Variants in MDM2 observed in about 807,000 individuals in gnomAD.
The protein encoded by MDM2 is E3 ubiquitin-protein ligase Mdm2.
A neutral mutation model predicts 64.3 loss-of-function variants in MDM2; 11 were observed. That is an observed-to-expected ratio of 0.17 (90% confidence interval 0.11 to 0.28). The LOEUF (loss-of-function observed/expected upper bound fraction) is 0.28. MDM2 is among the 10% of genes least tolerant of loss of function. The pLI, the probability that MDM2 is intolerant of heterozygous loss-of-function variation, is 1.00. For missense variants in MDM2, 388 were observed against 577.1 expected, an observed-to-expected ratio of 0.67 and a Z score of 3.36; for synonymous variants, 194 against 192.9, an observed-to-expected ratio of 1.01 and a Z score of -0.05.
intron 8 of MDM2, among the ~76,000 whole-genome samples, chr12:68,830,375 TA>T (rs1882695335): frequency 1.3e-5 from 2 of 152,244 alleles, no homozygotes; most frequent in African/African-American, 2.4e-5. Flanking sequence ...AGAGTTACTG[TA>T]CCTAACGGAG....
At position 68,843,987 on chromosome 12, in the gene MDM2, C is replaced by CT. The variant is rs1354040363; in HGVS notation, c.*4139dup. On this transcript the variant is annotated 3_prime_UTR_variant, in exon 11 of 11. Coordinates refer to ENST00000258149, the MANE Select transcript of MDM2 (RefSeq NM_002392.6). ...TACTGAAGCTAGAACCAAGCAGAAT[C>CT]TGTTTTTTTCTGAGGAGTATCGGTA... is the stretch of plus-strand genomic sequence containing the variant. The CT allele has an allele frequency of 4.8e-6, 1 of 207,852 alleles. No homozygotes were observed. The highest frequency in any genetic ancestry group is 2.3e-5 in the African/African-American group (1 of 43,778). 12.9% of individuals were successfully genotyped at this position (207,852 alleles called of 1,614,324 possible).
rs1420309522 is a variant in MDM2, at chr12:68,842,797, T to A, written c.*2948T>A. 5.1e-6 allele frequency: 1 copy of A among 194,704 alleles called. No individual in the cohort carries two copies. The highest frequency in any genetic ancestry group is 1.1e-5 in the Non-Finnish European group (1 of 93,578). 12.1% of individuals were successfully genotyped at this position (194,704 alleles called of 1,614,324 possible). A position where few individuals can be genotyped will look rare whatever the true frequency, so the allele number is the denominator to read the frequency against. Reference sequence around the variant, plus strand: ...ATGAAAATAGCTCAAATAATATCTTTTATTTTGATTTTAATATTTCTTATT... The same window carrying A: ...ATGAAAATAGCTCAAATAATATCTTATATTTTGATTTTAATATTTCTTATT... On this transcript the variant is annotated 3_prime_UTR_variant, in exon 11 of 11. Coordinates refer to ENST00000258149, the MANE Select transcript of MDM2 (RefSeq NM_002392.6).
intron 8 of MDM2, among the ~76,000 whole-genome samples, chr12:68,833,614 T>C (rs951552102): frequency 4.0e-5 from 6 of 151,548 alleles, no homozygotes; most frequent in Non-Finnish European, 5.9e-5. Flanking sequence ...AGCCACATAG[T>C]TAATTATTTG....
intron 4 of MDM2, 54 bp from the exon 5 acceptor site, chr12:68,820,271 A>G (rs961967679): frequency 2.0e-5 from 28 of 1,368,712 alleles, no homozygotes; most frequent in Non-Finnish European, 2.7e-5. Flanking sequence ...CTTAATACAA[A>G]TTTTTATTCT....
intron 8 of MDM2, among the ~76,000 whole-genome samples, chr12:68,830,467 A>T (rs1465861082): frequency 6.6e-6 from 1 of 152,196 alleles, no homozygotes; most frequent in African/African-American, 2.4e-5. Flanking sequence ...TAGATATTTA[A>T]GTTTATACCA....
intron 9 of MDM2, 60 bp downstream of exon 9, chr12:68,836,044 T>C: frequency 1.5e-6 from 2 of 1,372,324 alleles, no homozygotes; most frequent in Non-Finnish European, 2.0e-6. Flanking sequence ...TCTATGTTCA[T>C]TGACTTTGAG....
At chr12:68,812,886 A>G (rs1402209979) in intron 2 of MDM2, among the ~76,000 whole-genome samples, 1 of 152,162 alleles carries the variant, frequency 6.6e-6, no homozygotes, top group African/African-American at 2.4e-5. Flanking sequence ...CTCTTTACAG[A>G]AAAAAATTGA....
intron 2 of MDM2, 49 bp downstream of exon 2, chr12:68,809,341 A>G: frequency 6.6e-7 from 1 of 1,522,472 alleles, no homozygotes; most frequent in Non-Finnish European, 9.1e-7. Flanking sequence ...TATTTTATGA[A>G]GTGATAAACT....
rs1051777391 is a variant in MDM2 at position 68,840,051 on chromosome 12, A to G, written c.*202A>G. 2.0e-5 allele frequency: 10 copies of G among 506,562 alleles called. No individual in the cohort carries two copies. Among genetic ancestry groups the G allele is most frequent in the African/African-American group, 2.0e-4 (10 of 50,696 alleles). The allele number at this position is 506,562 out of a possible 1,614,324, so 31.4% of individuals were successfully genotyped here. The stretch of plus-strand genomic sequence containing the variant: ...GACTTGAATATGTAGCTCATCCTTT[A>G]CACCAACTCCTAATTTTAAATAATT... On this transcript the variant is annotated 3_prime_UTR_variant, in exon 11 of 11. Coordinates refer to ENST00000258149, the MANE Select transcript of MDM2 (RefSeq NM_002392.6).
rs1044944101 is a variant in MDM2 at position 68,845,211 on chromosome 12, GAA to G, written c.*5366_*5367del. On this transcript the variant is annotated 3_prime_UTR_variant, in exon 11 of 11. Coordinates refer to ENST00000258149, the MANE Select transcript of MDM2 (RefSeq NM_002392.6). ...CATTTTGATTTGATACTTATAAAAA[GAA>G]AAAGTATTTCTTCAGCTTAAAAAAT... 4.0e-5 allele frequency: 8 copies of G among 198,380 alleles called. No individual in the cohort carries two copies. The highest frequency in any genetic ancestry group is 6.4e-5 in the Non-Finnish European group (7 of 108,960). The allele number at this position is 198,380 out of a possible 1,614,324, so 12.3% of individuals were successfully genotyped here. A position where few individuals can be genotyped will look rare whatever the true frequency, so the allele number is the denominator to read the frequency against.
chr12:68,828,684 C>A, intron 7 of MDM2, 87 bp from the exon 8 acceptor site: 2 of 1,160,904 alleles, frequency 1.7e-6, no homozygotes, highest in South Asian at 3.0e-5. Flanking sequence ...TTTATTGAAA[C>A]TAAGTTTCTG....
At chr12:68,847,448 C>CTTTT (rs1461223164), downstream of MDM2, 2 of 66,762 alleles carry the variant, frequency 3.0e-5, no homozygotes, top group African/African-American at 1.4e-4. Context: ...TTTGTATCTC[C>CTTTT]TTTCTTTTTT....
intron 1 of MDM2, chr12:68,808,823 C>T (rs1419780032): frequency 1.3e-6 from 1 of 761,020 alleles, no homozygotes; most frequent in Non-Finnish European, 1.6e-6. Context: ...TCCGGATGAT[C>T]GCAGGTGCCT....
intron 7 of MDM2, among the ~76,000 whole-genome samples, chr12:68,826,144 A>G (rs1882299515): frequency 6.6e-6 from 1 of 152,068 alleles, no homozygotes. Context: ...ACTAATAAAT[A>G]TGGGGAGAGG....
chr12:68,837,554 C>T (rs1883410278), intron 10 of MDM2, among the ~76,000 whole-genome samples: 1 of 151,848 alleles, frequency 6.6e-6, no homozygotes, highest in Admixed American at 6.6e-5. Context: ...AGAAATGTCA[C>T]CATGTTGCCC....
intron 5 of MDM2, among the ~76,000 whole-genome samples, chr12:68,822,574 G>A (rs78064292): frequency 0.02 from 3,108 of 152,180 alleles, 103 homozygotes; most frequent in East Asian, 0.13. Flanking sequence ...TCTGAAGTAT[G>A]TAACCCTGAT....
rs1161919144 is a variant in MDM2, at chr12:68,808,477, G to A, written c.-1G>A. 6.2e-7 allele frequency: 1 copy of A among 1,614,136 alleles called. No individual in the cohort carries two copies. The highest frequency in any genetic ancestry group is 8.5e-7 in the Non-Finnish European group (1 of 1,180,014). On this transcript the variant is annotated 5_prime_UTR_variant, in exon 1 of 11. Coordinates refer to ENST00000258149, the MANE Select transcript of MDM2 (RefSeq NM_002392.6). ...CCCGACTCCAAGCGCGAAAACCCCG[G>A]ATGGTGAGGAGCAGGTACTGGCCCG...
At chr12:68,810,003 C>A (rs923476121) in intron 2 of MDM2, among the ~76,000 whole-genome samples, 1 of 152,104 alleles carries the variant, frequency 6.6e-6, no homozygotes, top group African/African-American at 2.4e-5. Context: ...GTGACTATTT[C>A]TGTAAGAAAG....
At position 68,843,295 on chromosome 12, in the gene MDM2, TGAGAGAGA is replaced by T. The variant is rs138844063; in HGVS notation, c.*3460_*3467del. On this transcript the variant is annotated 3_prime_UTR_variant, in exon 11 of 11. Transcript: ENST00000258149. ...AGTACTAATCCCTTTGGCCATTTAT[TGAGAGAGA>T]GAGAGAGAGAGAGTAGGGTGACTAT... 1.8e-5 allele frequency: 4 copies of T among 219,084 alleles called. No individual in the cohort carries two copies. The highest frequency in any genetic ancestry group is 6.7e-5 in the East Asian group (1 of 14,952). The allele number at this position is 219,084 out of a possible 1,614,324, so 13.6% of individuals were successfully genotyped here.
Sources: gnomAD v4.1 joint callset for allele counts (sites outside exome capture counted in the v4.1 genomes callset) on GRCh38, gnomAD v4.1.1 for gene constraint, MANE v1.5 for transcripts, NCBI Gene and HGNC (gene_info 2026-07-23, HGNC 2026-07-21) for gene names.